The following SMYD3 variants were observed in gnomAD, a reference collection of about 807,000 sequenced individuals.
The protein encoded by SMYD3 is SET and MYND domain containing 3.
A neutral mutation model predicts 57.7 loss-of-function variants in SMYD3; 36 were observed. That is an observed-to-expected ratio of 0.62 (90% CI 0.48 to 0.82). SMYD3 has a LOEUF of 0.82. SMYD3 is among the 40% of genes least tolerant of loss of function. The pLI, the probability that SMYD3 is intolerant of heterozygous loss-of-function variation, is 0.00. For synonymous variants in SMYD3, 211 were observed against 195.0 expected (o/e 1.08, Z -0.68); for missense variants, 515 against 538.8 (o/e 0.96, Z 0.44).
intron 10 of SMYD3, among the ~76,000 whole-genome samples, chr1:245,795,954 A>C (rs1468655244): frequency 1.3e-5 from 2 of 152,152 alleles, no homozygotes; most frequent in African/African-American, 4.8e-5. Context: ...CCTATCTCCC[A>C]ATTGTTTATT....
Position 246,162,961 on chromosome 1 carries a change from C to A in SMYD3, c.531+164240G>T, listed in dbSNP as rs142388695. ...ACTACATTTCTCTTATTGTAGCTAGCTCTTGCACATTTAACCACCTTCATC... is the reference window on the plus strand; with the variant it reads ...ACTACATTTCTCTTATTGTAGCTAGATCTTGCACATTTAACCACCTTCATC... On this transcript the variant is annotated intron_variant, in intron 5 of 11. Transcript: ENST00000490107. Among the ~76,000 whole-genome samples the A allele has an allele frequency of 1.8e-3, 280 of 152,308 alleles. 3 individuals carry two copies. Among genetic ancestry groups the A allele is most frequent in the African/African-American group, 6.4e-3 (267 of 41,574 alleles).
chr1:246,308,469 T>A (rs11590778), intron 5 of SMYD3, among the ~76,000 whole-genome samples: 8,875 of 152,008 alleles, frequency 0.058, 364 homozygotes, highest in African/African-American at 0.1. Flanking sequence ...TACTAAATAT[T>A]ATAATAATAT....
chr1:246,412,858 C>CAAAA (rs35012889), intron 1 of SMYD3, among the ~76,000 whole-genome samples: 1 of 120,360 alleles, frequency 8.3e-6, no homozygotes, highest in Non-Finnish European at 1.7e-5. Flanking sequence ...GACTCCGTCT[C>CAAAA]AAAAAAAAAA....
At chr1:246,221,762 C>T (rs2063258541) in intron 5 of SMYD3, among the ~76,000 whole-genome samples, 1 of 152,188 alleles carries the variant, frequency 6.6e-6, no homozygotes, top group African/African-American at 2.4e-5. Context: ...CTCACCACTC[C>T]ATGCCTGACT....
intron 5 of SMYD3, among the ~76,000 whole-genome samples, chr1:245,973,215 T>C (rs969946028): frequency 1.3e-5 from 2 of 152,202 alleles, no homozygotes; most frequent in Non-Finnish European, 2.9e-5. Flanking sequence ...ACATGCCCTA[T>C]TGAAGGACAA....
intron 10 of SMYD3, among the ~76,000 whole-genome samples, chr1:245,857,958 A>C (rs1017878419): frequency 6.6e-6 from 1 of 152,334 alleles, no homozygotes; most frequent in South Asian, 2.1e-4. Flanking sequence ...CTCAAGGAGA[A>C]GCTGAGGCAG....
intron 5 of SMYD3, among the ~76,000 whole-genome samples, chr1:246,147,716 G>A (rs2061873709): frequency 6.6e-6 from 1 of 151,738 alleles, no homozygotes; most frequent in African/African-American, 2.4e-5. Flanking sequence ...GCCGGGAGCA[G>A]ACAGGATCTG....
chr1:246,233,259 C>A lies in SMYD3; in HGVS notation c.531+93942G>T, dbSNP rs199701949. Among the ~76,000 whole-genome samples, 624 of 115,942 alleles carry A rather than the reference C, an allele frequency of 5.4e-3. 61 individuals are homozygous for A. The highest frequency in any genetic ancestry group is 0.019 in the African/African-American group (563 of 29,722). The allele number at this position is 115,942 out of a possible 152,430, so 76.1% of individuals were successfully genotyped here. A position where few individuals can be genotyped will look rare whatever the true frequency, so the allele number is the denominator to read the frequency against. On this transcript the variant is annotated intron_variant, in intron 5 of 11. Transcript: ENST00000490107. Reference sequence around the variant, plus strand: ...AGAGGAGAAGCACTCCTTCAATCCACACTGTGATGAATATATACCACACAG... The same window carrying A: ...AGAGGAGAAGCACTCCTTCAATCCAAACTGTGATGAATATATACCACACAG...
At chr1:246,030,790 G>C (rs2059657961) in intron 5 of SMYD3, among the ~76,000 whole-genome samples, 1 of 152,086 alleles carries the variant, frequency 6.6e-6, no homozygotes, top group South Asian at 2.1e-4. Flanking sequence ...ATGTATCATT[G>C]ATGTCAGAGC....
At chr1:246,005,248 A>T (rs971652330) in intron 5 of SMYD3, among the ~76,000 whole-genome samples, 23 of 152,244 alleles carry the variant, frequency 1.5e-4, no homozygotes, top group African/African-American at 5.3e-4. Context: ...GCCATTGCTT[A>T]ATTAGCCAGA....
At chr1:246,372,954 C>T (rs2066215677) in intron 1 of SMYD3, among the ~76,000 whole-genome samples, 1 of 152,134 alleles carries the variant, frequency 6.6e-6, no homozygotes, top group African/African-American at 2.4e-5. Flanking sequence ...TTAAGCCTGG[C>T]TGCTTCATTT....
At chr1:246,255,987 TAC>T (rs1354606286) in intron 5 of SMYD3, among the ~76,000 whole-genome samples, 2 of 138,576 alleles carry the variant, frequency 1.4e-5, no homozygotes, top group South Asian at 2.6e-4. Flanking sequence ...GATAGATAGA[TAC>T]ACACACACAT....
At chr1:246,064,039 T>G (rs1214807245) in intron 5 of SMYD3, among the ~76,000 whole-genome samples, 2 of 152,226 alleles carry the variant, frequency 1.3e-5, no homozygotes, top group African/African-American at 4.8e-5. Flanking sequence ...TTCCTACTTC[T>G]TCACTGTCCC....
rs1204729603 is a variant in SMYD3, at chr1:245,927,921, G to A, written c.702+10C>T. 1.9e-6 allele frequency: 3 copies of A among 1,606,344 alleles called. No homozygotes were observed. Among genetic ancestry groups the A allele is most frequent in the Admixed American group, 3.3e-5 (2 of 59,858 alleles). ...AAGAAGGCCAGGCTGGGAAGCATGA[G>A]TTTCCTTACCTCCTCTCCCACCTCG... On this transcript the variant is annotated intron_variant, in intron 7 of 11. Transcript: ENST00000490107.
intron 5 of SMYD3, among the ~76,000 whole-genome samples, chr1:246,303,945 G>A (rs535657922): frequency 3.3e-5 from 5 of 152,292 alleles, no homozygotes; most frequent in African/African-American, 1.2e-4. Flanking sequence ...TGATTTTAAA[G>A]TGATTTTGTA....
At chr1:246,469,519 C>T (rs1464303704) in intron 1 of SMYD3, among the ~76,000 whole-genome samples, 1 of 152,000 alleles carries the variant, frequency 6.6e-6, no homozygotes, top group Non-Finnish European at 1.5e-5. Flanking sequence ...ATACAGAAGC[C>T]AGCTTGAAGG....
At chr1:246,024,170 A>C (rs902579547) in intron 5 of SMYD3, among the ~76,000 whole-genome samples, 1 of 152,238 alleles carries the variant, frequency 6.6e-6, no homozygotes, top group African/African-American at 2.4e-5. Flanking sequence ...ATAATATGGA[A>C]GCGAGAAAAC....
intron 5 of SMYD3, among the ~76,000 whole-genome samples, chr1:246,045,937 A>T (rs2059956062): frequency 6.6e-6 from 1 of 152,208 alleles, no homozygotes; most frequent in Non-Finnish European, 1.5e-5. Flanking sequence ...ACCATCTCAC[A>T]CCAGTTAGAA....
At chr1:245,761,058 C>T (rs1488463683) in intron 11 of SMYD3, among the ~76,000 whole-genome samples, 1 of 152,192 alleles carries the variant, frequency 6.6e-6, no homozygotes, top group Non-Finnish European at 1.5e-5. Context: ...ACTCTTTCTA[C>T]AACTCTGCCA....
Sources: allele counts gnomAD v4.1 joint callset (sites outside exome capture counted in the v4.1 genomes callset), GRCh38; gene constraint gnomAD v4.1.1; transcripts MANE v1.5; gene names NCBI Gene and HGNC (gene_info 2026-07-23, HGNC 2026-07-21).